The following SDK1 variants were observed in gnomAD, a reference collection of about 807,000 sequenced individuals.
The protein encoded by SDK1 is sidekick cell adhesion molecule 1.
Under a neutral mutation model 245.5 loss-of-function variants are expected in SDK1, and 157 were observed. That is an observed-to-expected ratio of 0.64 (90% CI 0.56 to 0.73). The LOEUF (loss-of-function observed/expected upper bound fraction) is 0.73, where lower values mean the gene tolerates loss of function less well. Ranked by LOEUF, SDK1 falls within the 30% of genes least tolerant of loss-of-function variation. The pLI, the probability that SDK1 is intolerant of heterozygous loss-of-function variation, is 0.00. For synonymous variants in SDK1, 1,647 were observed against 1,278.5 expected (o/e 1.29, Z -6.15); for missense variants, 3,583 against 3,002.3 (o/e 1.19, Z -4.52).
intron 5 of SDK1, among the ~76,000 whole-genome samples, chr7:3,925,389 C>G (rs914021353): frequency 3.9e-5 from 6 of 152,230 alleles, no homozygotes; most frequent in Non-Finnish European, 8.8e-5. Context: ...ATTTAGGAAT[C>G]GCAGTCAGTG....
chr7:3,461,865 A>G (rs1253960753), intron 1 of SDK1, among the ~76,000 whole-genome samples: 2 of 152,114 alleles, frequency 1.3e-5, no homozygotes, highest in South Asian at 2.1e-4. Flanking sequence ...CTGTCTTCCT[A>G]GGGAACATGT....
intron 1 of SDK1, among the ~76,000 whole-genome samples, chr7:3,308,136 G>T (rs1445888773): frequency 6.6e-6 from 1 of 152,096 alleles, no homozygotes; most frequent in African/African-American, 2.4e-5. Flanking sequence ...ACAAATTGGT[G>T]CCATAATTTA....
At chr7:3,439,850 G>C (rs1404094965) in intron 1 of SDK1, among the ~76,000 whole-genome samples, 1 of 152,154 alleles carries the variant, frequency 6.6e-6, no homozygotes, top group Admixed American at 6.5e-5. Context: ...GCTTACTAGA[G>C]GGCACTGTGC....
At chr7:3,986,081 G>A (rs575030161) in intron 13 of SDK1, among the ~76,000 whole-genome samples, 13 of 152,250 alleles carry the variant, frequency 8.5e-5, no homozygotes, top group African/African-American at 2.9e-4. Context: ...TTCAGGAGAC[G>A]TGAAGGTTCA....
intron 1 of SDK1, among the ~76,000 whole-genome samples, chr7:3,572,107 A>T (rs543146984): frequency 6.6e-6 from 1 of 152,122 alleles, no homozygotes; most frequent in Non-Finnish European, 1.5e-5. Flanking sequence ...AGAAATGACT[A>T]GTATATTTTA....
chr7:3,373,705 A>G (rs1781285015), intron 1 of SDK1, among the ~76,000 whole-genome samples: 1 of 152,184 alleles, frequency 6.6e-6, no homozygotes, highest in Admixed American at 6.5e-5. Flanking sequence ...AAGAGAAAGC[A>G]AAATTGTTAT....
rs570323312 is a variant in SDK1 at position 4,018,700 on chromosome 7, G to A, written c.2602+1348G>A. On this transcript the variant is annotated intron_variant, in intron 17 of 44. Transcript: ENST00000404826. ...AGTTCTGCATGGGGCAGAGGGAAGTGGATCTCCACCTAATTGAGAAGGGCT... is the reference window on the plus strand; with the variant it reads ...AGTTCTGCATGGGGCAGAGGGAAGTAGATCTCCACCTAATTGAGAAGGGCT... 7.9e-5 allele frequency among the ~76,000 whole-genome samples: 12 copies of A among 152,272 alleles called. No homozygotes were observed. In the South Asian group the frequency reaches 2.5e-3, roughly 32 times the overall value.
chr7:4,128,054 C>T (rs1254504976), intron 26 of SDK1, among the ~76,000 whole-genome samples: 1 of 152,182 alleles, frequency 6.6e-6, no homozygotes, highest in African/African-American at 2.4e-5. Context: ...TTCCATCTTC[C>T]ATGCATCCAC....
chr7:3,487,754 CA>C (rs764105126), intron 1 of SDK1, among the ~76,000 whole-genome samples: 5,348 of 64,886 alleles, frequency 0.082, 324 homozygotes, highest in African/African-American at 0.25. Flanking sequence ...GACCCCATCT[CA>C]AAAAAAAAAA....
chr7:3,878,189 C>T (rs534984420), intron 5 of SDK1, among the ~76,000 whole-genome samples: 110 of 151,572 alleles, frequency 7.3e-4, no homozygotes, highest in African/African-American at 2.5e-3. Context: ...ATTTTTTTTT[C>T]ATATTAAAAG....
chr7:4,100,154 T>A (rs1782439828), intron 22 of SDK1, among the ~76,000 whole-genome samples: 1 of 152,168 alleles, frequency 6.6e-6, no homozygotes, highest in African/African-American at 2.4e-5. Context: ...TCACCCAACA[T>A]GTGGCACAGG....
chr7:3,883,261 G>A (rs1172020044), intron 5 of SDK1, among the ~76,000 whole-genome samples: 1 of 152,174 alleles, frequency 6.6e-6, no homozygotes, highest in Non-Finnish European at 1.5e-5. Context: ...TTGTTAGGGG[G>A]AAAAGAGGTT....
At chr7:3,844,064 G>T (rs1174594289) in intron 5 of SDK1, among the ~76,000 whole-genome samples, 1 of 152,074 alleles carries the variant, frequency 6.6e-6, no homozygotes, top group Admixed American at 6.5e-5. Flanking sequence ...TCCACCTCCC[G>T]GGTTCAAGTG....
chr7:4,219,921 C>G (rs982725631), intron 38 of SDK1, among the ~76,000 whole-genome samples, 188 bp from the exon 39 acceptor site: 7 of 151,950 alleles, frequency 4.6e-5, no homozygotes, highest in African/African-American at 1.7e-4. Context: ...ACTTACCAAG[C>G]TTAAGCTCTA....
At chr7:3,428,853 C>G (rs182636252) in intron 1 of SDK1, among the ~76,000 whole-genome samples, 38 of 152,286 alleles carry the variant, frequency 2.5e-4, no homozygotes, top group Middle Eastern at 3.4e-3. Flanking sequence ...AGGAAAGGAA[C>G]ATCCCGTAGT....
rs1190629764 is a variant in SDK1 at position 4,204,856 on chromosome 7, T to C, written c.5099-1023T>C. On this transcript the variant is annotated intron_variant, in intron 35 of 44. Coordinates refer to ENST00000404826, the MANE Select transcript of SDK1 (RefSeq NM_152744.4). ...CAGAGAATAGGCCGTCAAGAGAAAGTGCGCAGCGTGGAATTCAAAGATAGT... is the reference window on the plus strand; with the variant it reads ...CAGAGAATAGGCCGTCAAGAGAAAGCGCGCAGCGTGGAATTCAAAGATAGT... Among the ~76,000 whole-genome samples the C allele has an allele frequency of 2.0e-5, 3 of 148,698 alleles. No homozygotes were observed. The East Asian group carries it at 6.0e-4, about 30-fold the overall frequency.
At chr7:4,224,958 G>C (rs1451531326) in intron 40 of SDK1, among the ~76,000 whole-genome samples, 2 of 121,804 alleles carry the variant, frequency 1.6e-5, no homozygotes, top group Non-Finnish European at 3.2e-5. Flanking sequence ...ACTCTAGCCT[G>C]GGCAACAGAG....
intron 1 of SDK1, among the ~76,000 whole-genome samples, chr7:3,484,175 G>C (rs1781605060): frequency 6.6e-6 from 1 of 152,152 alleles, no homozygotes; most frequent in South Asian, 2.1e-4. Context: ...CAGTCCACAG[G>C]TGGCCCTGCC....
rs150703024 is a variant in SDK1, at chr7:3,971,250, G to A, written c.1715-216G>A. Among the ~76,000 whole-genome samples the A allele has an allele frequency of 5.3e-5, 8 of 152,246 alleles. No individual in the cohort carries two copies. The East Asian group carries it at 1.5e-3, about 29-fold the overall frequency. On this transcript the variant is annotated intron_variant, in intron 11 of 44. Transcript: ENST00000404826. ...GTTTGAGGTTAAAGCTGATTTAGGA[G>A]GGGTGGGTGGGTTGACAGACTGCTG...
Sources: gnomAD v4.1 joint callset for allele counts (sites outside exome capture counted in the v4.1 genomes callset) on GRCh38, gnomAD v4.1.1 for gene constraint, MANE v1.5 for transcripts, NCBI Gene and HGNC (gene_info 2026-07-23, HGNC 2026-07-21) for gene names.